The following MSI2 variants were observed in gnomAD, a reference collection of about 807,000 sequenced individuals.
MSI2 encodes RNA-binding protein Musashi homolog 2.
In MSI2, 17 loss-of-function variants were observed where a neutral mutation model predicts 45.6. The observed-to-expected ratio is 0.37, with a 90% CI of 0.26 to 0.56. The LOEUF is 0.56. Ranked by LOEUF, MSI2 falls within the 20% of genes least tolerant of loss-of-function variation. The pLI is 0.77. For synonymous variants in MSI2, 156 were observed against 158.2 expected (o/e 0.99, Z 0.11); for missense variants, 293 against 444.2 (o/e 0.66, Z 3.06).
At chr17:57,335,818 A>G (rs1202382609) in intron 5 of MSI2, among the ~76,000 whole-genome samples, 1 of 152,220 alleles carries the variant, frequency 6.6e-6, no homozygotes, top group East Asian at 1.9e-4. Context: ...GAGCACAGTG[A>G]TGGCAAAGGC....
At chr17:57,257,439 C>T (rs200139117) in intron 2 of MSI2, 27 bp from the exon 3 acceptor site, 12 of 1,228,378 alleles carry the variant, frequency 9.8e-6, no homozygotes, top group East Asian at 2.4e-5. Flanking sequence ...CTCTCCCCCC[C>T]CCATCTCTCT....
chr17:57,422,247 A>G (rs1243569323), intron 6 of MSI2, among the ~76,000 whole-genome samples: 2 of 152,064 alleles, frequency 1.3e-5, no homozygotes, highest in East Asian at 3.9e-4. Context: ...GGATCATGAG[A>G]TCACGAATTC....
chr17:57,618,587 A>G (rs1907962193), intron 9 of MSI2, among the ~76,000 whole-genome samples: 1 of 152,112 alleles, frequency 6.6e-6, no homozygotes, highest in Admixed American at 6.5e-5. Context: ...CTCTGTCGCC[A>G]GGCTGGAGTG....
At position 57,401,956 on chromosome 17, in the gene MSI2, G is replaced by A. The variant is rs116471766; in HGVS notation, c.405+485G>A. On this transcript the variant is annotated intron_variant, in intron 6 of 13. Transcript: ENST00000284073. Reference sequence around the variant, plus strand: ...GCCCAAGGAGACTCGGAAACCATGCGAGGCCTGTACCTGTCAGCATTCTCT... The same window carrying A: ...GCCCAAGGAGACTCGGAAACCATGCAAGGCCTGTACCTGTCAGCATTCTCT... Among the ~76,000 whole-genome samples the A allele has an allele frequency of 9.6e-3, 1,465 of 152,234 alleles. 25 individuals carry two copies. Among genetic ancestry groups the A allele is most frequent in the African/African-American group, 0.034 (1,395 of 41,514 alleles).
chr17:57,420,390 CT>C (rs1257244616), intron 6 of MSI2, among the ~76,000 whole-genome samples: 1 of 152,224 alleles, frequency 6.6e-6, no homozygotes, highest in Non-Finnish European at 1.5e-5. Flanking sequence ...CTCTCCCCCA[CT>C]TTTGGAGCCT....
At chr17:57,422,837 G>A (rs1332486176) in intron 6 of MSI2, among the ~76,000 whole-genome samples, 1 of 152,200 alleles carries the variant, frequency 6.6e-6, no homozygotes, top group Non-Finnish European at 1.5e-5. Flanking sequence ...ATTTTGGCAA[G>A]GTGTTATTTT....
At chr17:57,563,713 CTCTCTCTT>C (rs1443214948) in intron 7 of MSI2, among the ~76,000 whole-genome samples, 3 of 148,866 alleles carry the variant, frequency 2.0e-5, no homozygotes, top group African/African-American at 7.7e-5. Flanking sequence ...GTCTGTCTCT[CTCTCTCTT>C]TCCCTCTCAC....
intron 11 of MSI2, among the ~76,000 whole-genome samples, chr17:57,659,931 G>T (rs1279975426): frequency 6.6e-6 from 1 of 152,150 alleles, no homozygotes; most frequent in African/African-American, 2.4e-5. Context: ...TATAACAATA[G>T]TAATTATTGT....
intron 10 of MSI2, among the ~76,000 whole-genome samples, chr17:57,647,541 G>T (rs1219339463): frequency 6.6e-6 from 1 of 152,052 alleles, no homozygotes; most frequent in African/African-American, 2.4e-5. Flanking sequence ...GGAGACAGTG[G>T]AACACCCCTG....
intron 7 of MSI2, among the ~76,000 whole-genome samples, chr17:57,555,651 C>G (rs964060272): frequency 6.6e-6 from 1 of 152,226 alleles, no homozygotes; most frequent in Non-Finnish European, 1.5e-5. Context: ...CTGACTCCCC[C>G]AGTTACTATG....
intron 5 of MSI2, among the ~76,000 whole-genome samples, chr17:57,351,770 C>A (rs186332237): frequency 1.3e-5 from 2 of 152,274 alleles, no homozygotes; most frequent in Non-Finnish European, 2.9e-5. Context: ...GAAGGAGAAG[C>A]GTTTGAACCC....
intron 5 of MSI2, among the ~76,000 whole-genome samples, chr17:57,346,440 G>C (rs1298270633): frequency 6.6e-6 from 1 of 151,828 alleles, no homozygotes; most frequent in Non-Finnish European, 1.5e-5. Context: ...GCAGTAAACT[G>C]AGGCTGAGCC....
intron 5 of MSI2, among the ~76,000 whole-genome samples, chr17:57,332,605 T>C (rs1914361739): frequency 6.6e-6 from 1 of 152,252 alleles, no homozygotes; most frequent in Non-Finnish European, 1.5e-5. Context: ...AAGAATACTT[T>C]AAAAACAAAC....
intron 9 of MSI2, among the ~76,000 whole-genome samples, chr17:57,624,725 A>G (rs1401515321): frequency 1.3e-5 from 2 of 152,130 alleles, no homozygotes; most frequent in Non-Finnish European, 2.9e-5. Context: ...TGTGACTGCA[A>G]ATTTGGGAAG....
chr17:57,492,357 G>A (rs536330356), intron 6 of MSI2, among the ~76,000 whole-genome samples: 5 of 152,240 alleles, frequency 3.3e-5, no homozygotes, highest in South Asian at 2.1e-4. Flanking sequence ...TATGTCCTCC[G>A]GGTCCCTTTA....
intron 5 of MSI2, chr17:57,285,721 A>T: frequency 1.4e-6 from 1 of 698,290 alleles, no homozygotes; most frequent in Non-Finnish European, 2.1e-6. Context: ...CGTCTCCCCA[A>T]GTAGGTATTC....
At chr17:57,663,762 G>T (rs114208402) in intron 11 of MSI2, among the ~76,000 whole-genome samples, 1 of 152,312 alleles carries the variant, frequency 6.6e-6, no homozygotes, top group African/African-American at 2.4e-5. Flanking sequence ...TAGTCGTTAA[G>T]TCTTCAATGG....
At chr17:57,336,446 T>G (rs1914698119) in intron 5 of MSI2, among the ~76,000 whole-genome samples, 1 of 152,238 alleles carries the variant, frequency 6.6e-6, no homozygotes, top group Admixed American at 6.5e-5. Flanking sequence ...ACTTTACTGC[T>G]TCTTTTTTCG....
chr17:57,294,678 A>T (rs976127816), intron 5 of MSI2: 1 of 152,178 alleles, frequency 6.6e-6, no homozygotes, highest in Admixed American at 6.5e-5. Flanking sequence ...CCATCCTACA[A>T]CAGCCACAAG....
Sources: gnomAD v4.1 joint callset for allele counts (sites outside exome capture counted in the v4.1 genomes callset) on GRCh38, gnomAD v4.1.1 for gene constraint, MANE v1.5 for transcripts, NCBI Gene and HGNC (gene_info 2026-07-23, HGNC 2026-07-21) for gene names.